The following RBFOX1 variants were observed in gnomAD, a reference collection of about 807,000 sequenced individuals.
RBFOX1 encodes RNA binding fox-1 homolog 1, also known as RNA binding protein fox-1 homolog 1.
Under a neutral mutation model 57.7 loss-of-function variants are expected in RBFOX1, and 8 were observed. That is an observed-to-expected ratio of 0.14 (90% CI 0.08 to 0.25). The LOEUF (loss-of-function observed/expected upper bound fraction) is 0.25, where lower values mean the gene tolerates loss of function less well. RBFOX1 is among the 10% of genes least tolerant of loss of function. RBFOX1 has a pLI of 1.00. For missense variants in RBFOX1, 611 were observed against 548.5 expected (o/e 1.11, Z -1.14); for synonymous variants, 326 against 222.4 (o/e 1.47, Z -4.15).
intron 2 of RBFOX1, among the ~76,000 whole-genome samples, chr16:6,459,302 C>T (rs1275299730): frequency 6.6e-6 from 1 of 152,178 alleles, no homozygotes; most frequent in Non-Finnish European, 1.5e-5. Context: ...CGCCACTGCA[C>T]TCCAGCCTGG....
intron 4 of RBFOX1, among the ~76,000 whole-genome samples, chr16:7,075,640 G>A (rs1202540104): frequency 1.3e-5 from 2 of 152,022 alleles, no homozygotes; most frequent in Non-Finnish European, 2.9e-5. Flanking sequence ...GAGTGCAGTG[G>A]TGCGATCTTG....
chr16:6,926,762 T>A (rs987607942), intron 3 of RBFOX1, among the ~76,000 whole-genome samples: 1 of 152,186 alleles, frequency 6.6e-6, no homozygotes, highest in African/African-American at 2.4e-5. Context: ...AGACTGAACT[T>A]TTAAATGCTT....
intron 4 of RBFOX1, among the ~76,000 whole-genome samples, chr16:7,384,193 TG>T: frequency 6.6e-6 from 1 of 151,488 alleles, no homozygotes; most frequent in South Asian, 2.1e-4. Context: ...GAAACATATA[TG>T]AAATATATAT....
At chr16:7,232,829 C>G (rs921279251) in intron 4 of RBFOX1, among the ~76,000 whole-genome samples, 6 of 120,234 alleles carry the variant, frequency 5.0e-5, no homozygotes, top group Non-Finnish European at 8.3e-5. Context: ...GCCTGGACAA[C>G]AAGAGTGAAA....
At chr16:7,366,857 T>C (rs546768466) in intron 4 of RBFOX1, among the ~76,000 whole-genome samples, 24 of 152,252 alleles carry the variant, frequency 1.6e-4, no homozygotes, top group Non-Finnish European at 2.8e-4. Flanking sequence ...AATTAGAATA[T>C]GAAGAAGAAA....
At chr16:6,188,130 A>T (rs1181490048) in intron 1 of RBFOX1, among the ~76,000 whole-genome samples, 1 of 152,296 alleles carries the variant, frequency 6.6e-6, no homozygotes, top group East Asian at 1.9e-4. Context: ...TAAGTTTTGC[A>T]TCCCATGAAA....
intron 3 of RBFOX1, among the ~76,000 whole-genome samples, chr16:5,713,780 G>C (rs1439176442): frequency 1.3e-5 from 2 of 152,162 alleles, no homozygotes; most frequent in Admixed American, 6.5e-5. Context: ...ACATTGGCTT[G>C]ATTTTGCCCA....
chr16:7,701,413 G>C (rs1444845861), intron 14 of RBFOX1, among the ~76,000 whole-genome samples: 1 of 152,132 alleles, frequency 6.6e-6, no homozygotes, highest in Admixed American at 6.5e-5. Context: ...ATTCTCATGG[G>C]AGCACCAACC....
At position 6,384,040 on chromosome 16, in the gene RBFOX1, A is replaced by G. The variant is rs1596401454; in HGVS notation, c.-64+66983A>G. ...AAATGTTTCTGTTTCACCACCATTC[A>G]TCTCTCTTGATTGGTTTTGCTTTTT... On this transcript the variant is annotated intron_variant, in intron 2 of 15. Coordinates refer to ENST00000550418, the MANE Select transcript of RBFOX1 (RefSeq NM_018723.4). 2.1e-5 allele frequency among the ~76,000 whole-genome samples: 3 copies of G among 145,752 alleles called. No homozygotes were observed. The South Asian group carries it at 6.6e-4, about 32-fold the overall frequency.
intron 4 of RBFOX1, among the ~76,000 whole-genome samples, chr16:7,081,062 TCTCA>T (rs2059121709): frequency 6.6e-6 from 1 of 152,002 alleles, no homozygotes; most frequent in East Asian, 1.9e-4. Flanking sequence ...TGAGGCAGAG[TCTCA>T]CTCTGTCACC....
At chr16:5,255,048 A>T (rs1417150369) in intron 1 of RBFOX1, among the ~76,000 whole-genome samples, 1 of 152,210 alleles carries the variant, frequency 6.6e-6, no homozygotes, top group African/African-American at 2.4e-5. Context: ...TTGGTTGCCC[A>T]GCTGTCATCA....
chr16:5,691,498 T>TTG (rs1460023586), intron 3 of RBFOX1, among the ~76,000 whole-genome samples: 1 of 152,174 alleles, frequency 6.6e-6, no homozygotes, highest in Non-Finnish European at 1.5e-5. Context: ...ATGTATATAT[T>TTG]TGTGTGTGTG....
At chr16:5,312,879 A>G (rs1224816013) in intron 1 of RBFOX1, among the ~76,000 whole-genome samples, 3 of 152,182 alleles carry the variant, frequency 2.0e-5, no homozygotes, top group Non-Finnish European at 4.4e-5. Flanking sequence ...GACACTGCAG[A>G]TTGCAGGATC....
intron 3 of RBFOX1, among the ~76,000 whole-genome samples, chr16:6,859,143 A>ATATATATG (rs2058492951): frequency 4.5e-5 from 4 of 88,102 alleles, no homozygotes; most frequent in African/African-American, 2.3e-4. Flanking sequence ...ATATATACGT[A>ATATATATG]TATATATATG....
At chr16:6,408,039 C>T (rs538868654) in intron 2 of RBFOX1, among the ~76,000 whole-genome samples, 50 of 152,204 alleles carry the variant, frequency 3.3e-4, no homozygotes, top group African/African-American at 1.1e-3. Flanking sequence ...AGCTTGTTTA[C>T]CCCTCCCATC....
At chr16:6,253,614 G>A (rs8053545) in intron 1 of RBFOX1, among the ~76,000 whole-genome samples, 29 of 32,944 alleles carry the variant, frequency 8.8e-4, no homozygotes, top group East Asian at 5.4e-3. Context: ...TGGATAGATG[G>A]ATGGATGGAT....
At chr16:7,665,205 A>C (rs1014633391) in intron 13 of RBFOX1, among the ~76,000 whole-genome samples, 1 of 152,090 alleles carries the variant, frequency 6.6e-6, no homozygotes, top group Non-Finnish European at 1.5e-5. Context: ...AACGAATGCA[A>C]TTCCCCCAAA....
chr16:6,560,078 A>G (rs1402492384), intron 2 of RBFOX1, among the ~76,000 whole-genome samples: 4 of 152,020 alleles, frequency 2.6e-5, no homozygotes, highest in African/African-American at 9.7e-5. Flanking sequence ...TTCCCCTAAG[A>G]AGAAGGATAT....
chr16:6,887,453 T>C (rs1217576445), intron 3 of RBFOX1, among the ~76,000 whole-genome samples: 1 of 152,184 alleles, frequency 6.6e-6, no homozygotes, highest in African/African-American at 2.4e-5. Context: ...AATGATCATT[T>C]TCTAAACTTC....
Sources: allele counts gnomAD v4.1 joint callset (sites outside exome capture counted in the v4.1 genomes callset), GRCh38; gene constraint gnomAD v4.1.1; transcripts MANE v1.5; gene names NCBI Gene and HGNC (gene_info 2026-07-23, HGNC 2026-07-21).